Variants in ZNF521 observed in about 807,000 individuals in gnomAD.
The protein encoded by ZNF521 is zinc finger protein 521.
In ZNF521, 14 loss-of-function variants were observed where a neutral mutation model predicts 105.5. That is an observed-to-expected ratio of 0.13 (90% CI 0.09 to 0.21). The LOEUF (loss-of-function observed/expected upper bound fraction) is 0.21. Ranked by LOEUF, ZNF521 falls within the 10% of genes least tolerant of loss-of-function variation. The pLI, the probability that ZNF521 is intolerant of heterozygous loss-of-function variation, is 1.00. For synonymous variants in ZNF521, 635 were observed against 606.0 expected (o/e 1.05, Z -0.70); for missense variants, 1,233 against 1,629.7 (o/e 0.76, Z 4.19).
chr18:25,087,032 T>C (rs1599994839), intron 7 of ZNF521, among the ~76,000 whole-genome samples: 1 of 152,212 alleles, frequency 6.6e-6, no homozygotes, highest in South Asian at 2.1e-4. Context: ...TGAAGTTTTC[T>C]AGACGCTACC....
chr18:25,158,549 C>T (rs996426467), intron 5 of ZNF521, among the ~76,000 whole-genome samples: 5 of 152,018 alleles, frequency 3.3e-5, no homozygotes, highest in African/African-American at 7.2e-5. Flanking sequence ...AAAGGAAACA[C>T]TATTATCCAT....
intron 3 of ZNF521, among the ~76,000 whole-genome samples, chr18:25,287,584 T>G (rs1289907591): frequency 1.3e-5 from 2 of 150,856 alleles, no homozygotes; most frequent in African/African-American, 4.9e-5. Flanking sequence ...AACCCCTCCT[T>G]AAGAAATTCA....
intron 3 of ZNF521, among the ~76,000 whole-genome samples, chr18:25,238,951 T>C (rs1907117353): frequency 6.6e-6 from 1 of 152,166 alleles, no homozygotes; most frequent in Non-Finnish European, 1.5e-5. Flanking sequence ...CCTTAGAATC[T>C]TTTCTTTCCC....
chr18:25,329,936 A>G lies in ZNF521; in HGVS notation c.41-7749T>C, dbSNP rs562248612. 1.1e-4 allele frequency among the ~76,000 whole-genome samples: 16 copies of G among 152,314 alleles called. No homozygotes were observed. In the East Asian group the frequency reaches 3.1e-3, roughly 29 times the overall value. On this transcript the variant is annotated intron_variant, in intron 2 of 7. Transcript: ENST00000361524. The stretch of plus-strand genomic sequence containing the variant: ...GGAAATAATGGTTCTGGGAGCCACT[A>G]TGGAAACAGGATCTGGATGGATGGT...
intron 2 of ZNF521, among the ~76,000 whole-genome samples, chr18:25,347,685 G>T (rs1314600490): frequency 6.6e-6 from 1 of 152,158 alleles, no homozygotes; most frequent in Non-Finnish European, 1.5e-5. Flanking sequence ...ACTAAATTAT[G>T]AGAATTCACA....
chr18:25,269,176 T>TCAAAAGA (rs953859846), intron 3 of ZNF521, among the ~76,000 whole-genome samples: 8 of 145,786 alleles, frequency 5.5e-5, no homozygotes, highest in Non-Finnish European at 1.2e-4. Flanking sequence ...CCAACAAAGA[T>TCAAAAGA]CAAAAGAGAC....
intron 3 of ZNF521, among the ~76,000 whole-genome samples, chr18:25,300,023 A>G (rs1164827666): frequency 6.6e-6 from 1 of 152,246 alleles, no homozygotes; most frequent in Non-Finnish European, 1.5e-5. Flanking sequence ...CAGAGAACAC[A>G]GAAGTATCGC....
intron 7 of ZNF521, among the ~76,000 whole-genome samples, chr18:25,080,959 G>A (rs1202192856): frequency 2.6e-5 from 4 of 152,218 alleles, no homozygotes; most frequent in Admixed American, 6.5e-5. Context: ...CTACAAAGGC[G>A]CTGAGACAGA....
intron 2 of ZNF521, among the ~76,000 whole-genome samples, chr18:25,333,187 T>C (rs1913677233): frequency 6.6e-6 from 1 of 151,618 alleles, no homozygotes; most frequent in African/African-American, 2.4e-5. Context: ...TAAAGTAATA[T>C]CAACGAAATC....
chr18:25,287,909 A>T (rs1308485638), intron 3 of ZNF521, among the ~76,000 whole-genome samples: 1 of 152,196 alleles, frequency 6.6e-6, no homozygotes, highest in African/African-American at 2.4e-5. Flanking sequence ...TCTGTCTACA[A>T]TGGACTTTCA....
chr18:25,261,512 T>C (rs1161174419), intron 3 of ZNF521, among the ~76,000 whole-genome samples: 1 of 152,158 alleles, frequency 6.6e-6, no homozygotes, highest in African/African-American at 2.4e-5. Flanking sequence ...ACATATATCT[T>C]ACTTTCCTAT....
At chr18:25,330,612 C>G (rs1913512489) in intron 2 of ZNF521, among the ~76,000 whole-genome samples, 1 of 152,170 alleles carries the variant, frequency 6.6e-6, no homozygotes, top group Non-Finnish European at 1.5e-5. Context: ...TAAAATTAAA[C>G]TGAAAACCAA....
At chr18:25,116,965 A>G (rs1335715841) in intron 5 of ZNF521, among the ~76,000 whole-genome samples, 2 of 101,702 alleles carry the variant, frequency 2.0e-5, no homozygotes, top group Middle Eastern at 4.8e-3. Flanking sequence ...GTATATATGT[A>G]TATATATGTA....
chr18:25,109,500 A>G (rs1336869567), intron 5 of ZNF521, among the ~76,000 whole-genome samples: 1 of 152,090 alleles, frequency 6.6e-6, no homozygotes, highest in Non-Finnish European at 1.5e-5. Flanking sequence ...TGGTAGTTTT[A>G]TTTTTAATTA....
chr18:25,299,067 G>A (rs1022523702), intron 3 of ZNF521, among the ~76,000 whole-genome samples: 1 of 152,126 alleles, frequency 6.6e-6, no homozygotes, highest in African/African-American at 2.4e-5. Context: ...AAAACAATCT[G>A]GAGATCACAT....
At chr18:25,232,952 C>G (rs75293316) in intron 3 of ZNF521, among the ~76,000 whole-genome samples, 1 of 152,236 alleles carries the variant, frequency 6.6e-6, no homozygotes, top group East Asian at 1.9e-4. Context: ...ATTCACAGTA[C>G]TTTTTCAGTC....
intron 5 of ZNF521, among the ~76,000 whole-genome samples, chr18:25,094,563 C>T (rs1466830989): frequency 6.6e-6 from 1 of 151,818 alleles, no homozygotes; most frequent in Non-Finnish European, 1.5e-5. Context: ...CTTTTTACAG[C>T]TTAAAAGCAC....
At chr18:25,233,107 C>A (rs768808978) in intron 3 of ZNF521, among the ~76,000 whole-genome samples, 1 of 152,162 alleles carries the variant, frequency 6.6e-6, no homozygotes, top group Non-Finnish European at 1.5e-5. Context: ...AACAAGGGTA[C>A]TTGACATGTT....
At chr18:25,235,704 T>C (rs748206012) in intron 3 of ZNF521, among the ~76,000 whole-genome samples, 1 of 152,196 alleles carries the variant, frequency 6.6e-6, no homozygotes, top group Non-Finnish European at 1.5e-5. Flanking sequence ...TCACCTGTAT[T>C]ATAACCATGG....
Sources: gnomAD v4.1 joint callset for allele counts (sites outside exome capture counted in the v4.1 genomes callset) on GRCh38, gnomAD v4.1.1 for gene constraint, MANE v1.5 for transcripts, NCBI Gene and HGNC (gene_info 2026-07-23, HGNC 2026-07-21) for gene names.